The following ARF5 variants were observed in gnomAD, a reference collection of about 807,000 sequenced individuals.
ARF5 encodes the protein ADP-ribosylation factor 5.
ARF5 carries 10 observed loss-of-function variants against 24.8 expected under a neutral mutation model. The observed-to-expected ratio is 0.40, with a 90% confidence interval of 0.25 to 0.68. The LOEUF (loss-of-function observed/expected upper bound fraction) is 0.68. ARF5 is among the 30% of genes least tolerant of loss of function. The probability of loss-of-function intolerance (pLI) is 0.36; values close to 1 mark genes in which losing one functional copy is unlikely to be tolerated. For synonymous variants in ARF5, 102 were observed against 95.1 expected (o/e 1.07, Z -0.42); for missense variants, 135 against 239.2 (o/e 0.56, Z 2.87).
chr7:127,591,146 G>T, intron 5 of ARF5, 58 bp downstream of exon 5: 1 of 1,609,540 alleles, frequency 6.2e-7, no homozygotes, highest in Non-Finnish European at 8.5e-7. Context: ...CTGCAGGCTG[G>T]GACAGAGATA....
Position 127,588,427 on chromosome 7 carries a change from C to A in ARF5, c.-72C>A. ...AGCCTCCTCCTGCTGCTGCTGCGCC[C>A]CATCCCCCCGCGGCCGGCCAGTTCC... On this transcript the variant is annotated 5_prime_UTR_variant, in exon 1 of 6. Coordinates refer to ENST00000000233, the MANE Select transcript of ARF5 (RefSeq NM_001662.4). 3 of 1,013,228 alleles carry A rather than the reference C, an allele frequency of 3.0e-6. No homozygotes were observed. The highest frequency in any genetic ancestry group is 2.6e-6 in the Non-Finnish European group (2 of 772,394). The allele number at this position is 1,013,228 out of a possible 1,614,324, so 62.8% of individuals were successfully genotyped here.
chr7:127,589,658 A>C (rs1467075062), intron 3 of ARF5, 64 bp downstream of exon 3: 2 of 1,367,904 alleles, frequency 1.5e-6, no homozygotes, highest in East Asian at 4.6e-5. Flanking sequence ...GGAGAACAGA[A>C]TTGTTGGCCT....
chr7:127,588,916 C>T lies in ARF5; in HGVS notation c.68-167C>T. 1.6e-5 allele frequency: 12 copies of T among 760,516 alleles called. No homozygotes were observed. In the South Asian group the frequency reaches 2.1e-4, roughly 13 times the overall value. 47.1% of individuals were successfully genotyped at this position (760,516 alleles called of 1,614,324 possible). On this transcript the variant is annotated intron_variant, in intron 1 of 5. Coordinates refer to ENST00000000233, the MANE Select transcript of ARF5 (RefSeq NM_001662.4). ...CCGCGCCCTCTTTGGAGTTGGCTCACGCCACCCGACTGCCCTCCAGGCCTC... is the reference window on the plus strand; with the variant it reads ...CCGCGCCCTCTTTGGAGTTGGCTCATGCCACCCGACTGCCCTCCAGGCCTC...
intron 2 of ARF5, 24 bp from the exon 3 acceptor site, chr7:127,589,461 T>A: frequency 6.4e-7 from 1 of 1,568,426 alleles, no homozygotes; most frequent in Non-Finnish European, 8.8e-7. Flanking sequence ...AGTTTTCTCA[T>A]CTTTTTTTTC....
intron 4 of ARF5, 97 bp downstream of exon 4, chr7:127,590,234 A>G (rs1314812326): frequency 5.2e-6 from 5 of 968,380 alleles, no homozygotes; most frequent in Non-Finnish European, 8.3e-6. Context: ...CAGGCATTGA[A>G]GACCAGGAAT....
At chr7:127,591,173 G>A (rs753178005) in intron 5 of ARF5, 40 bp from the exon 6 acceptor site, 62 of 1,606,082 alleles carry the variant, frequency 3.9e-5, no homozygotes, top group Non-Finnish European at 5.0e-5. Flanking sequence ...CATTCCTTTT[G>A]TTCCTGGTTG....
In ARF5 at chr7:127,591,257, C is replaced by T. The variant is rs779907940; in HGVS notation, c.501C>T (p.Tyr167=). 7.5e-6 allele frequency: 12 copies of T among 1,608,238 alleles called. No homozygotes were observed. Among genetic ancestry groups the T allele is most frequent in the Admixed American group, 3.5e-5 (2 of 57,918 alleles). ...GTGCCACCCAAGGCACAGGTCTGTA[C>T]GATGGTCTGGACTGGCTGTCCCACG... ...ATCATQGTGL[Y]DGLDWLSHEL... is the part of the protein sequence containing the mutation. The change falls in exon 6 of 6, where the codon TAC becomes TAT. Residue 167 remains tyrosine (Y), a synonymous_variant. Coordinates refer to ENST00000000233, the MANE Select transcript of ARF5 (RefSeq NM_001662.4).
chr7:127,588,488 C>T lies in ARF5; in HGVS notation c.-11C>T, dbSNP rs746750654. The T allele has an allele frequency of 1.8e-5, 26 of 1,437,554 alleles. No homozygotes were observed. The highest frequency in any genetic ancestry group is 2.5e-5 in the Admixed American group (1 of 39,638). The allele number at this position is 1,437,554 out of a possible 1,614,324, so 89.0% of individuals were successfully genotyped here. ...CCGCGTCGGTGCCCGCGCCCCTCCC[C>T]GGGCCCCGCCATGGGCCTCACCGTG... On this transcript the variant is annotated 5_prime_UTR_variant, in exon 1 of 6. Transcript: ENST00000000233.
intron 3 of ARF5, 149 bp from the exon 4 acceptor site, chr7:127,589,917 C>A: frequency 1.4e-6 from 1 of 730,470 alleles, no homozygotes; most frequent in Non-Finnish European, 2.4e-6. Flanking sequence ...TCCTGTAGAG[C>A]TTCTATAGAG....
Position 127,588,940 on chromosome 7 carries a change from T to G in ARF5, c.68-143T>G, listed in dbSNP as rs148423381. On this transcript the variant is annotated intron_variant, in intron 1 of 5. Transcript: ENST00000000233. ...ACGCCACCCGACTGCCCTCCAGGCC[T>G]CAAAGGTAGATAACGACGCGCACCT... The G allele has an allele frequency of 9.8e-4, 940 of 963,274 alleles. 3 individuals carry two copies. Among genetic ancestry groups the G allele is most frequent in the African/African-American group, 5.1e-3 (314 of 61,522 alleles). 59.7% of individuals were successfully genotyped at this position (963,274 alleles called of 1,614,324 possible).
intron 3 of ARF5, chr7:127,589,826 C>T (rs1794257897): frequency 3.3e-6 from 2 of 608,050 alleles, no homozygotes; most frequent in African/African-American, 1.8e-5. Context: ...ATTTAGCCCT[C>T]ATAACATGTC....
At position 127,588,454 on chromosome 7, in the gene ARF5, GC is replaced by G. The variant is rs756962928; in HGVS notation, c.-42del. The G allele has an allele frequency of 7.3e-7, 1 of 1,363,358 alleles. No individual in the cohort carries two copies. Among genetic ancestry groups the G allele is most frequent in the Non-Finnish European group, 9.7e-7 (1 of 1,030,938 alleles). 84.5% of individuals were successfully genotyped at this position (1,363,358 alleles called of 1,614,324 possible). ...ATCCCCCCGCGGCCGGCCAGTTCCA[GC>G]CCGCACCCCGCGTCGGTGCCCGCGC... On this transcript the variant is annotated 5_prime_UTR_variant, in exon 1 of 6. Transcript: ENST00000000233.
chr7:127,590,426 G>A (rs572873805), intron 4 of ARF5, among the ~76,000 whole-genome samples: 8 of 151,856 alleles, frequency 5.3e-5, no homozygotes, highest in African/African-American at 1.9e-4. Context: ...TCCGTCTCCC[G>A]GGTTCAAGCA....
At chr7:127,589,189 C>T (rs752463231) in intron 2 of ARF5, 26 bp downstream of exon 2, 6 of 1,611,652 alleles carry the variant, frequency 3.7e-6, no homozygotes, top group African/African-American at 2.7e-5. Context: ...AAGCAGGGAG[C>T]GGGAGCGCCG....
Position 127,589,147 on chromosome 7 carries a change from C to T in ARF5, c.132C>T (p.Thr44=). The T allele has an allele frequency of 6.2e-7, 1 of 1,614,206 alleles. No individual in the cohort carries two copies. Residue 44 remains threonine (T), a synonymous_variant, in exon 2 of 6, where the codon ACC becomes ACT. Transcript: ENST00000000233. ...LYKLKLGEIV[T]TIPTIGFNVE... is the part of the protein sequence containing the mutation. ...AACTGAAGTTGGGGGAGATTGTCAC[C>T]ACCATCCCAACCATAGGTGAGCCCG...
At chr7:127,590,846 C>A in intron 4 of ARF5, 117 bp from the exon 5 acceptor site, 1 of 1,349,430 alleles carries the variant, frequency 7.4e-7, no homozygotes, top group Non-Finnish European at 1.0e-6. Context: ...TTGTCTTCAA[C>A]GGCAGACTGC....
rs756432666 is a variant in ARF5, at chr7:127,590,974, C to T, written c.342C>T (p.Asp114=). ...TTCTCCTCTCTCAGCTGCAGGAGGA[C>T]GAGCTGCGGGATGCAGTGCTGCTGG... The part of the protein sequence containing the change: ...ADELQKMLQE[D]ELRDAVLLVF... Residue 114 remains aspartate, a synonymous_variant, in exon 5 of 6, where the codon GAC becomes GAT. Transcript: ENST00000000233. The T allele has an allele frequency of 2.5e-5, 41 of 1,613,242 alleles. No individual in the cohort carries two copies. In the Middle Eastern group the frequency reaches 9.9e-4, roughly 39 times the overall value.
intron 5 of ARF5, 60 bp downstream of exon 5, chr7:127,591,148 A>G (rs1243042572): frequency 6.2e-7 from 1 of 1,610,572 alleles, no homozygotes; most frequent in Admixed American, 1.7e-5. Flanking sequence ...GCAGGCTGGG[A>G]CAGAGATATA....
chr7:127,588,782 C>G (rs1436942148), intron 1 of ARF5: 2 of 581,320 alleles, frequency 3.4e-6, no homozygotes, highest in Non-Finnish European at 5.8e-6. Flanking sequence ...GTGAAGCTCC[C>G]TCCGCCCCAG....
Sources: allele counts gnomAD v4.1 joint callset (sites outside exome capture counted in the v4.1 genomes callset), GRCh38; gene constraint gnomAD v4.1.1; transcripts MANE v1.5; gene names NCBI Gene and HGNC (gene_info 2026-07-23, HGNC 2026-07-21).